Variants in HIC2 observed in about 807,000 individuals in gnomAD.
HIC2 encodes hypermethylated in cancer 2 protein.
Under a neutral mutation model 39.5 loss-of-function variants are expected in HIC2, and 2 were observed. The observed-to-expected ratio is 0.05, with a 90% confidence interval of 0.02 to 0.16. HIC2 has a LOEUF of 0.16. Among genes scored for constraint, HIC2 ranks in the 10% least tolerant of loss-of-function variants. HIC2 has a pLI of 1.00. For synonymous variants in HIC2, 399 were observed against 368.8 expected (o/e 1.08, Z -0.94); for missense variants, 713 against 863.5 (o/e 0.83, Z 2.18).
At position 21,450,989 on chromosome 22, in the gene HIC2, C is replaced by T. The variant is rs1924156579; in HGVS notation, c.*4246C>T. 2 of 152,802 alleles carry T rather than the reference C, an allele frequency of 1.3e-5. No individual in the cohort carries two copies. The highest frequency in any genetic ancestry group is 2.1e-4 in the South Asian group (1 of 4,836). 9.5% of individuals were successfully genotyped at this position (152,802 alleles called of 1,614,324 possible). On this transcript the variant is annotated 3_prime_UTR_variant, in exon 3 of 3. Coordinates refer to ENST00000407464, the MANE Select transcript of HIC2 (RefSeq NM_015094.3). ...GGGGCAGGGAGGATCCCCAGGGCTC[C>T]CACCCTCCACTTGGCGGGCCCCGTG...
Position 21,447,967 on chromosome 22 carries a change from T to G in HIC2, c.*1224T>G, listed in dbSNP as rs775114002. On this transcript the variant is annotated 3_prime_UTR_variant, in exon 3 of 3. Transcript: ENST00000407464. ...AGTGGAAGCCCTTGACACTCTTGTTTTCCTTCGCTTAGCACCTAGGAAGTC... is the reference window on the plus strand; with the variant it reads ...AGTGGAAGCCCTTGACACTCTTGTTGTCCTTCGCTTAGCACCTAGGAAGTC... 2.0e-5 allele frequency: 3 copies of G among 152,932 alleles called. No individual in the cohort carries two copies. Among genetic ancestry groups the G allele is most frequent in the Admixed American group, 6.5e-5 (1 of 15,304 alleles). 9.5% of individuals were successfully genotyped at this position (152,932 alleles called of 1,614,324 possible). A position where few individuals can be genotyped will look rare whatever the true frequency, so the allele number is the denominator to read the frequency against.
intron 1 of HIC2, among the ~76,000 whole-genome samples, 156 bp downstream of exon 1, chr22:21,417,716 G>A (rs1318314139): frequency 2.2e-4 from 32 of 144,236 alleles, no homozygotes; most frequent in African/African-American, 7.4e-4. Flanking sequence ...TGGCGGGCCT[G>A]GGCTGGGGCG....
chr22:21,438,015 T>C, intron 1 of HIC2, among the ~76,000 whole-genome samples: 1 of 140,538 alleles, frequency 7.1e-6, no homozygotes, highest in Non-Finnish European at 1.5e-5. Flanking sequence ...GCCCCTTTCT[T>C]GGTAGTAAAG....
In HIC2 at chr22:21,449,198, AAC is replaced by A. The variant is rs1031518130; in HGVS notation, c.*2459_*2460del. 6.5e-6 allele frequency: 1 copy of A among 152,730 alleles called. No individual in the cohort carries two copies. Among genetic ancestry groups the A allele is most frequent in the Non-Finnish European group, 1.5e-5 (1 of 68,048 alleles). 9.5% of individuals were successfully genotyped at this position (152,730 alleles called of 1,614,324 possible). ...AGGGTTTGTGGGGCGGGGCGGGATTAACACAACATTTGGCTTTGTTTTCTTTT... is the reference window on the plus strand; with the variant it reads ...AGGGTTTGTGGGGCGGGGCGGGATTAACAACATTTGGCTTTGTTTTCTTTT... On this transcript the variant is annotated 3_prime_UTR_variant, in exon 3 of 3. Coordinates refer to ENST00000407464, the MANE Select transcript of HIC2 (RefSeq NM_015094.3).
In HIC2 at chr22:21,447,083, A is replaced by T. The variant is rs1923889734; in HGVS notation, c.*340A>T. On this transcript the variant is annotated 3_prime_UTR_variant, in exon 3 of 3. Transcript: ENST00000407464. ...GGCGGCTTGGAGAAAGGGCAGTGGG[A>T]CGCTGGCCACGGCCAGGGTGGTGTC... 3.4e-6 allele frequency: 1 copy of T among 295,660 alleles called. No individual in the cohort carries two copies. Among genetic ancestry groups the T allele is most frequent in the African/African-American group, 2.2e-5 (1 of 46,058 alleles). The allele number at this position is 295,660 out of a possible 1,614,324, so 18.3% of individuals were successfully genotyped here.
intron 1 of HIC2, among the ~76,000 whole-genome samples, chr22:21,418,134 C>T (rs1218046509): frequency 8.6e-6 from 1 of 116,532 alleles, no homozygotes; most frequent in Non-Finnish European, 1.7e-5. Context: ...GAGGGCCGGG[C>T]TCTGCGGCTG....
chr22:21,446,598 T>C lies in HIC2; in HGVS notation c.1703T>C (p.Met568Thr), dbSNP rs1443951012. Residue 568 changes from methionine (M) to threonine (T), a missense_variant, in exon 3 of 3, where the codon ATG (methionine) becomes ACG (threonine). Physicochemically the swap from Met to Thr is moderately conservative, Grantham distance 81 (BLOSUM62 -1). Coordinates refer to ENST00000407464, the MANE Select transcript of HIC2 (RefSeq NM_015094.3). ...LKPFACDECG[M>T]RFTRQYRLTE... ...CCCTTCGCCTGCGATGAGTGTGGCATGCGCTTCACCCGTCAGTACCGCCTC... is the reference window on the plus strand; with the variant it reads ...CCCTTCGCCTGCGATGAGTGTGGCACGCGCTTCACCCGTCAGTACCGCCTC... The C allele has an allele frequency of 1.2e-6, 2 of 1,613,668 alleles. No homozygotes were observed. Among genetic ancestry groups the C allele is most frequent in the Non-Finnish European group, 1.7e-6 (2 of 1,180,022 alleles).
In HIC2 at chr22:21,446,033, A is replaced by T; in HGVS notation, c.1138A>T (p.Ser380Cys). 1 of 1,595,152 alleles carries T rather than the reference A, an allele frequency of 6.3e-7. No homozygotes were observed. Among genetic ancestry groups the T allele is most frequent in the Non-Finnish European group, 8.5e-7 (1 of 1,173,040 alleles). ...GDRVPNGILA[S>C]GAGPSGPYGE... is the part of the protein sequence containing the mutation. ...CAGGGTTCCCAATGGCATCCTGGCT[A>T]GTGGGGCTGGCCCTAGCGGGCCCTA... Residue 380 changes from serine to cysteine, a missense_variant, in exon 3 of 3, where the codon AGT becomes TGT. Around this residue, in one of 5 missense-constraint regions of HIC2, gnomAD observed 457 missense variants for 420.2 expected, o/e 1.09. Transcript: ENST00000407464.
chr22:21,425,567 A>T, intron 1 of HIC2, among the ~76,000 whole-genome samples: 3 of 30,988 alleles, frequency 9.7e-5, no homozygotes, highest in Non-Finnish European at 2.2e-4. Flanking sequence ...TTTGAGACGG[A>T]GTCTTGCCCT....
rs1923942730 is a variant in HIC2, at chr22:21,447,783, T to TGTGTGTGTGTGTATGTGC, written c.*1043_*1060dup. The TGTGTGTGTGTGTATGTGC allele has an allele frequency of 6.6e-6, 1 of 150,972 alleles. No individual in the cohort carries two copies. The highest frequency in any genetic ancestry group is 1.5e-5 in the Non-Finnish European group (1 of 67,588). The allele number at this position is 150,972 out of a possible 1,614,324, so 9.4% of individuals were successfully genotyped here. ...TTGTTTTCATTTGTGTGTGCGTGCG[T>TGTGTGTGTGTGTATGTGC]GTGTGTGTGTGTATGTGCGTATGTG... On this transcript the variant is annotated 3_prime_UTR_variant, in exon 3 of 3. Coordinates refer to ENST00000407464, the MANE Select transcript of HIC2 (RefSeq NM_015094.3).
At chr22:21,419,401 C>CT (rs1923008185) in intron 1 of HIC2, among the ~76,000 whole-genome samples, 1 of 128,592 alleles carries the variant, frequency 7.8e-6, no homozygotes, top group Non-Finnish European at 1.6e-5. Context: ...TCAGTTGGCT[C>CT]TGAGTGCTGC....
At chr22:21,432,591 G>A (rs1470109276) in intron 1 of HIC2, among the ~76,000 whole-genome samples, 2 of 113,784 alleles carry the variant, frequency 1.8e-5, no homozygotes, top group African/African-American at 3.9e-5. Flanking sequence ...CAGGACAGTC[G>A]CTTGAACCCG....
intron 2 of HIC2, among the ~76,000 whole-genome samples, chr22:21,443,666 T>C (rs1230472369): frequency 6.6e-6 from 1 of 152,074 alleles, no homozygotes; most frequent in East Asian, 1.9e-4. Flanking sequence ...TGTGGAAGCC[T>C]GTGAGCCTAT....
chr22:21,443,868 G>A (rs1017558583), intron 2 of HIC2, among the ~76,000 whole-genome samples: 7 of 152,122 alleles, frequency 4.6e-5, no homozygotes, highest in African/African-American at 1.4e-4. Context: ...TCTTTATACC[G>A]CCGGCCACAG....
Position 21,445,615 on chromosome 22 carries a change from C to T in HIC2, c.720C>T (p.Gly240=), listed in dbSNP as rs1923763720. ...CSSSTNGSSG[G]CEQELGLDLS... Reference sequence around the variant, plus strand: ...GCAGCACCAACGGGAGCAGCGGGGGCTGCGAGCAGGAGCTGGGCTTGGACC... The same window carrying T: ...GCAGCACCAACGGGAGCAGCGGGGGTTGCGAGCAGGAGCTGGGCTTGGACC... The change falls in exon 3 of 3, where the codon GGC becomes GGT. Residue 240 remains glycine, a synonymous_variant. Transcript: ENST00000407464. The T allele has an allele frequency of 1.3e-6, 2 of 1,578,076 alleles. No homozygotes were observed. The highest frequency in any genetic ancestry group is 8.6e-7 in the Non-Finnish European group (1 of 1,163,844).
intron 1 of HIC2, among the ~76,000 whole-genome samples, chr22:21,432,451 C>T (rs1923348414): frequency 1.1e-5 from 1 of 91,064 alleles, no homozygotes; most frequent in Non-Finnish European, 2.1e-5. Flanking sequence ...CCGAGGCGGG[C>T]GGATCACCTG....
Position 21,445,788 on chromosome 22 carries a change from T to C in HIC2, c.893T>C (p.Leu298Pro). The C allele has an allele frequency of 1.9e-6, 3 of 1,601,388 alleles. No homozygotes were observed. Among genetic ancestry groups the C allele is most frequent in the South Asian group, 1.1e-5 (1 of 89,672 alleles). Residue 298 changes from leucine (L) to proline (P), a missense_variant, in exon 3 of 3, where the codon CTG becomes CCG. Physicochemically the swap from Leu to Pro is moderately conservative, Grantham distance 98 (BLOSUM62 -3). Transcript: ENST00000407464. Reference sequence around the variant, plus strand: ...GCCAACAGTGCCTCTTATTCTGAGCTGGGGGGCACCCCTGATGAGCCCATG... The same window carrying C: ...GCCAACAGTGCCTCTTATTCTGAGCCGGGGGGCACCCCTGATGAGCCCATG... ...PVANSASYSE[L>P]GGTPDEPMDL...
chr22:21,417,635 G>A (rs1464821409), intron 1 of HIC2, 75 bp downstream of exon 1: 1 of 146,972 alleles, frequency 6.8e-6, no homozygotes, highest in Non-Finnish European at 1.5e-5. Flanking sequence ...GCGCGTCCCC[G>A]GGGAGAGGGG....
chr22:21,432,625 G>GAGATT (rs1345838934), intron 1 of HIC2, among the ~76,000 whole-genome samples: 2 of 129,894 alleles, frequency 1.5e-5, no homozygotes, highest in Non-Finnish European at 3.2e-5. Context: ...GCGGTGAGCC[G>GAGATT]AGATTGCACC....
Sources: allele counts gnomAD v4.1 joint callset (sites outside exome capture counted in the v4.1 genomes callset), GRCh38; gene constraint gnomAD v4.1.1; regional missense constraint gnomAD v4.1.1; transcripts MANE v1.5; gene names NCBI Gene and HGNC (gene_info 2026-07-23, HGNC 2026-07-21).